Variants in PROX2 observed in about 807,000 individuals in gnomAD.
PROX2 encodes prospero homeobox protein 2.
Under a neutral mutation model 48.9 loss-of-function variants are expected in PROX2, and 46 were observed. The observed-to-expected ratio is 0.94, with a 90% CI of 0.74 to 1.20. PROX2 has a LOEUF of 1.20. Ranked by LOEUF, PROX2 falls within the 50% of genes most tolerant of loss-of-function variation. PROX2 has a pLI of 0.00. For missense variants in PROX2, 663 were observed against 719.4 expected (o/e 0.92, Z 0.90); for synonymous variants, 260 against 276.6 (o/e 0.94, Z 0.60).
chr14:74,863,676 G>A lies in PROX2; in HGVS notation c.159C>T (p.Pro53=), dbSNP rs1253690124. Residue 53 remains proline (P), a synonymous_variant, in exon 3 of 6, where the codon CCC becomes CCT. Coordinates refer to ENST00000556489, the MANE Select transcript of PROX2 (RefSeq NM_001243007.2). The part of the protein sequence containing the change: ...SQVPSSSPTD[P]EWFGDEHIQA... Reference sequence around the variant, plus strand: ...GGATGTGCTCATCACCAAACCATTCGGGGTCTGTAGGGCTGGAGCTGGGGA... The same window carrying A: ...GGATGTGCTCATCACCAAACCATTCAGGGTCTGTAGGGCTGGAGCTGGGGA... 4 of 1,554,462 alleles carry A rather than the reference G, an allele frequency of 2.6e-6. No individual in the cohort carries two copies. Among genetic ancestry groups the A allele is most frequent in the African/African-American group, 1.4e-5 (1 of 73,280 alleles).
Position 74,863,302 on chromosome 14 carries a change from C to A in PROX2, c.533G>T (p.Gly178Val). 6.2e-7 allele frequency: 1 copy of A among 1,614,062 alleles called. No homozygotes were observed. The highest frequency in any genetic ancestry group is 8.5e-7 in the Non-Finnish European group (1 of 1,179,896). Residue 178 changes from glycine (G) to valine (V), a missense_variant, in exon 3 of 6, where the codon GGG becomes GTG. Coordinates refer to ENST00000556489, the MANE Select transcript of PROX2 (RefSeq NM_001243007.2). Reference sequence around the variant, plus strand: ...CCAGGGGCGAGGCCCACAGCCATTCCCCTGCTTTGCACTCAGAGGGCCTTT... The same window carrying A: ...CCAGGGGCGAGGCCCACAGCCATTCACCTGCTTTGCACTCAGAGGGCCTTT... ...TGKGPLSAKQGNGCGPRPWVV... is the reference protein window; with the variant it reads ...TGKGPLSAKQVNGCGPRPWVV...
chr14:74,865,739 G>A (rs981724731), intron 2 of PROX2, among the ~76,000 whole-genome samples: 4 of 152,030 alleles, frequency 2.6e-5, no homozygotes, highest in African/African-American at 9.7e-5. Flanking sequence ...GCTGAGGCAG[G>A]AGAATGGCAT....
chr14:74,864,744 A>T (rs2091829629), intron 2 of PROX2, among the ~76,000 whole-genome samples: 1 of 151,634 alleles, frequency 6.6e-6, no homozygotes, highest in Admixed American at 6.6e-5. Flanking sequence ...TGGGAGGCTG[A>T]GGCAGGAAAA....
At position 74,862,926 on chromosome 14, in the gene PROX2, T is replaced by A. The variant is rs2091807694; in HGVS notation, c.909A>T (p.Leu303Phe). Reference protein sequence around the residue: ...QLQAGVPVGNLSLAKRLDSPR... With the variant: ...QLQAGVPVGNFSLAKRLDSPR... ...GAGAATCTAGACGCTTGGCCAGTGA[T>A]AAATTTCCTACTGGGACCCCAGCTT... is the stretch of plus-strand genomic sequence containing the variant. The change falls in exon 3 of 6, where the codon TTA becomes TTT. Residue 303 changes from leucine to phenylalanine, a missense_variant. By Grantham distance (22) the Leu-to-Phe change is conservative. Transcript: ENST00000556489. The A allele has an allele frequency of 6.2e-7, 1 of 1,613,812 alleles. No individual in the cohort carries two copies. Among genetic ancestry groups the A allele is most frequent in the Non-Finnish European group, 8.5e-7 (1 of 1,179,860 alleles).
intron 5 of PROX2, 53 bp from the exon 6 acceptor site, chr14:74,855,355 C>T: frequency 1.4e-6 from 2 of 1,438,738 alleles, no homozygotes; most frequent in East Asian, 2.4e-5. Context: ...TTGGGAAGCA[C>T]TGGTGCCAGA....
In PROX2 at chr14:74,856,994, A is replaced by C. The variant is rs1287694428; in HGVS notation, c.1415T>G (p.Phe472Cys). 2 of 1,613,768 alleles carry C rather than the reference A, an allele frequency of 1.2e-6. No individual in the cohort carries two copies. The highest frequency in any genetic ancestry group is 2.2e-5 in the South Asian group (2 of 91,076). ...LLKVYFPDVQ[F>C]NRCITSQMIK... ...CATCTGGGAGGTAATGCAGCGGTTG[A>C]ACTGTACAAACAAGAGGTCCATCCA... Residue 472 changes from phenylalanine to cysteine, a missense_variant and splice_region_variant, in exon 5 of 6, where the codon TTC becomes TGC. Phe to Cys is a radical substitution (Grantham distance 205, BLOSUM62 -2). Coordinates refer to ENST00000556489, the MANE Select transcript of PROX2 (RefSeq NM_001243007.2).
At position 74,863,746 on chromosome 14, in the gene PROX2, G is replaced by C; in HGVS notation, c.89C>G (p.Ser30Cys). The C allele has an allele frequency of 6.5e-6, 10 of 1,529,106 alleles. No homozygotes were observed. The highest frequency in any genetic ancestry group is 8.8e-6 in the Non-Finnish European group (10 of 1,142,794). 94.7% of individuals were successfully genotyped at this position (1,529,106 alleles called of 1,614,324 possible). The change falls in exon 3 of 6, where the codon TCC (serine) becomes TGC (cysteine). Residue 30 changes from serine (S) to cysteine (C), a missense_variant. Physicochemically the swap from Ser to Cys is moderately radical, Grantham distance 112 (BLOSUM62 -1). Transcript: ENST00000556489. The part of the protein sequence containing the change: ...EACTEGERSS[S>C]PPELDRDSPF... ...GGAGTCTCTATCCAGCTCTGGAGGG[G>C]ATGAGCTTCTCTCGCCTTCCGTACA...
In PROX2 at chr14:74,854,390, C is replaced by A; in HGVS notation, c.*742G>T. ...GAGTTGTCAGGTGACGGTGCCCTGT[C>A]AGCGCTGGATGCTTACTAGGGGTGG... On this transcript the variant is annotated 3_prime_UTR_variant, in exon 6 of 6. Coordinates refer to ENST00000556489, the MANE Select transcript of PROX2 (RefSeq NM_001243007.2). 1 of 311,708 alleles carries A rather than the reference C, an allele frequency of 3.2e-6. No individual in the cohort carries two copies. Among genetic ancestry groups the A allele is most frequent in the Admixed American group, 4.3e-5 (1 of 23,408 alleles). 19.3% of individuals were successfully genotyped at this position (311,708 alleles called of 1,614,324 possible). A position where few individuals can be genotyped will look rare whatever the true frequency, so the allele number is the denominator to read the frequency against.
chr14:74,865,760 G>A (rs1214144200), intron 2 of PROX2, among the ~76,000 whole-genome samples: 1 of 151,196 alleles, frequency 6.6e-6, no homozygotes, highest in Non-Finnish European at 1.5e-5. Context: ...GAATCTGGGG[G>A]GCAGAGGTTG....
intron 5 of PROX2, 57 bp downstream of exon 5, chr14:74,856,744 G>C: frequency 6.8e-7 from 1 of 1,471,830 alleles, no homozygotes; most frequent in East Asian, 2.3e-5. Flanking sequence ...CCTAAAACTC[G>C]AATCATATAG....
intron 3 of PROX2, chr14:74,861,213 G>C: frequency 7.4e-7 from 1 of 1,352,858 alleles, no homozygotes; most frequent in South Asian, 1.1e-5. Context: ...GTTCCCACCT[G>C]GATATGCAAC....
chr14:74,855,328 A>G (rs2091735224), intron 5 of PROX2, 26 bp from the exon 6 acceptor site: 3 of 1,514,668 alleles, frequency 2.0e-6, no homozygotes, highest in Non-Finnish European at 2.7e-6. Flanking sequence ...GACCCACAAG[A>G]AAGAAAAGAC....
At chr14:74,873,259 A>C (rs1251624197) in intron 1 of PROX2, among the ~76,000 whole-genome samples, 2 of 152,162 alleles carry the variant, frequency 1.3e-5, no homozygotes, top group Admixed American at 1.3e-4. Flanking sequence ...CTGGAATTAC[A>C]GTCAGTCGTG....
At chr14:74,873,028 C>T (rs1249807445) in intron 1 of PROX2, among the ~76,000 whole-genome samples, 1 of 152,154 alleles carries the variant, frequency 6.6e-6, no homozygotes, top group African/African-American at 2.4e-5. Flanking sequence ...CTGTGTCACC[C>T]AGGCTGGAGT....
intron 2 of PROX2, among the ~76,000 whole-genome samples, chr14:74,867,235 G>A (rs1030606477): frequency 2.0e-5 from 3 of 152,116 alleles, no homozygotes; most frequent in Non-Finnish European, 4.4e-5. Flanking sequence ...CACAAACATG[G>A]TCTCGATCTA....
intron 5 of PROX2, chr14:74,856,524 T>C (rs2091744119): frequency 2.7e-6 from 1 of 375,918 alleles, no homozygotes; most frequent in South Asian, 6.8e-5. Context: ...TGTAACTTGA[T>C]AATGACAGGG....
chr14:74,855,199 T>C lies in PROX2; in HGVS notation c.1712A>G (p.Tyr571Cys), dbSNP rs762462422. 6 of 1,593,766 alleles carry C rather than the reference T, an allele frequency of 3.8e-6. No individual in the cohort carries two copies. The highest frequency in any genetic ancestry group is 5.1e-6 in the Non-Finnish European group (6 of 1,167,112). ...ACTGTCCAGTTTCGAAATAATTTTA[T>C]AAATGGGTTTCTTCCAGGAAGGATC... ...DSDPSWKKPI[Y>C]KIISKLDSDI... The change falls in exon 6 of 6, where the codon TAT (tyrosine) becomes TGT (cysteine). Residue 571 changes from tyrosine to cysteine, a missense_variant. Tyr to Cys is a radical substitution (Grantham distance 194, BLOSUM62 -2). Transcript: ENST00000556489.
chr14:74,860,382 A>T (rs894202995), intron 3 of PROX2, among the ~76,000 whole-genome samples: 1 of 148,912 alleles, frequency 6.7e-6, no homozygotes, highest in Non-Finnish European at 1.5e-5. Flanking sequence ...CAAAAAAAAA[A>T]GATTGCATCA....
Position 74,855,118 on chromosome 14 carries a change from T to TAACCCCGAAAC in PROX2, c.*3_*13dup, listed in dbSNP as rs2091732179. 6.6e-7 allele frequency: 1 copy of TAACCCCGAAAC among 1,521,348 alleles called. No individual in the cohort carries two copies. Among genetic ancestry groups the TAACCCCGAAAC allele is most frequent in the Non-Finnish European group, 8.9e-7 (1 of 1,121,828 alleles). 94.2% of individuals were successfully genotyped at this position (1,521,348 alleles called of 1,614,324 possible). ...AGTCACTCCTCACGTTGTGGGATCT[T>TAACCCCGAAAC]AACCCCGAAACAGCTACTGGGGATA... On this transcript the variant is annotated 3_prime_UTR_variant, in exon 6 of 6. Coordinates refer to ENST00000556489, the MANE Select transcript of PROX2 (RefSeq NM_001243007.2).
Sources: allele counts gnomAD v4.1 joint callset (sites outside exome capture counted in the v4.1 genomes callset), GRCh38; gene constraint gnomAD v4.1.1; transcripts MANE v1.5; gene names NCBI Gene and HGNC (gene_info 2026-07-23, HGNC 2026-07-21).